Variants in PRKN observed in about 807,000 individuals in gnomAD.
PRKN encodes E3 ubiquitin-protein ligase parkin.
PRKN carries 56 observed loss-of-function variants against 59.5 expected under a neutral mutation model. That is an observed-to-expected ratio of 0.94 (90% CI 0.76 to 1.18). The LOEUF (loss-of-function observed/expected upper bound fraction) is 1.18. PRKN is among the 50% of genes most tolerant of loss of function. The pLI is 0.00. For synonymous variants in PRKN, 250 were observed against 222.1 expected, an observed-to-expected ratio of 1.13 and a Z score of -1.12; for missense variants, 657 against 596.4, an observed-to-expected ratio of 1.10 and a Z score of -1.06.
At chr6:162,324,085 T>C (rs1018542623) in intron 2 of PRKN, among the ~76,000 whole-genome samples, 3 of 151,936 alleles carry the variant, frequency 2.0e-5, no homozygotes, top group African/African-American at 7.3e-5. Flanking sequence ...TACCACAGTG[T>C]TTACCCACTT....
At chr6:161,977,554 T>G (rs1374486105) in intron 5 of PRKN, among the ~76,000 whole-genome samples, 14 of 147,424 alleles carry the variant, frequency 9.5e-5, no homozygotes, top group Non-Finnish European at 1.5e-4. Context: ...TTTTTTTTTT[T>G]TTTTTTTTTT....
At chr6:161,869,846 A>G (rs999676499) in intron 6 of PRKN, among the ~76,000 whole-genome samples, 6 of 152,180 alleles carry the variant, frequency 3.9e-5, no homozygotes, top group African/African-American at 1.4e-4. Context: ...GGGAGAAGTG[A>G]AGGTAGTCCT....
intron 1 of PRKN, among the ~76,000 whole-genome samples, chr6:162,549,977 A>G (rs566817413): frequency 6.6e-6 from 1 of 152,328 alleles, no homozygotes; most frequent in East Asian, 1.9e-4. Flanking sequence ...ACAAAAAGAA[A>G]AAGCCACACA....
At chr6:161,513,101 T>G (rs1011388385) in intron 9 of PRKN, among the ~76,000 whole-genome samples, 2 of 152,252 alleles carry the variant, frequency 1.3e-5, no homozygotes, top group African/African-American at 4.8e-5. Flanking sequence ...AGCAGATGTT[T>G]AGGAGTTTCC....
chr6:162,603,338 C>A (rs750138862), intron 1 of PRKN, among the ~76,000 whole-genome samples: 2 of 152,198 alleles, frequency 1.3e-5, no homozygotes, highest in Admixed American at 1.3e-4. Flanking sequence ...AATACATACT[C>A]GCTTTCTCTT....
intron 6 of PRKN, among the ~76,000 whole-genome samples, chr6:161,953,741 T>C (rs1168262188): frequency 6.6e-6 from 1 of 152,254 alleles, no homozygotes; most frequent in South Asian, 2.1e-4. Flanking sequence ...CACACACATG[T>C]ACATTCCGAA....
chr6:161,799,519 G>A (rs1048768100), intron 6 of PRKN, among the ~76,000 whole-genome samples: 2 of 152,184 alleles, frequency 1.3e-5, no homozygotes, highest in East Asian at 1.9e-4. Context: ...CAATACTTGC[G>A]ACTTCCACAT....
chr6:161,639,358 G>T (rs1399437726), intron 7 of PRKN, among the ~76,000 whole-genome samples: 1 of 152,104 alleles, frequency 6.6e-6, no homozygotes, highest in African/African-American at 2.4e-5. Context: ...ATCTTGAAAA[G>T]CAATTGTTAG....
In PRKN at chr6:161,357,356, T is replaced by A. The variant is rs1380085728; in HGVS notation, c.1285+2732A>T. Among the ~76,000 whole-genome samples the A allele has an allele frequency of 3.3e-5, 5 of 152,182 alleles. No homozygotes were observed. Among genetic ancestry groups the A allele is most frequent in the African/African-American group, 9.7e-5 (4 of 41,450 alleles). ...TGTGAGCCACCACTCCCAGCCTCGC[T>A]GACCACTTCTTATCTTGCAAACTGC... On this transcript the variant is annotated intron_variant, in intron 11 of 11. Transcript: ENST00000366898. This position sits in a 1 kb window ranked among gnomAD's most constrained non-coding sequence, Gnocchi z 5.5.
intron 1 of PRKN, among the ~76,000 whole-genome samples, chr6:162,663,431 C>T (rs1382714322): frequency 6.6e-6 from 1 of 151,944 alleles, no homozygotes; most frequent in African/African-American, 2.4e-5. Flanking sequence ...GGAAATTTCC[C>T]TATGAGTTGG....
intron 2 of PRKN, among the ~76,000 whole-genome samples, chr6:162,362,815 A>G (rs1785212151): frequency 6.6e-6 from 1 of 152,072 alleles, no homozygotes; most frequent in Non-Finnish European, 1.5e-5. Context: ...CTTCACAATA[A>G]AAAACACTAT....
intron 1 of PRKN, among the ~76,000 whole-genome samples, chr6:162,635,741 G>A (rs1336264663): frequency 6.6e-6 from 1 of 152,040 alleles, no homozygotes; most frequent in Non-Finnish European, 1.5e-5. Flanking sequence ...AAAACAATTT[G>A]GTGATGATTA....
chr6:161,911,410 C>T (rs1425320688), intron 6 of PRKN, among the ~76,000 whole-genome samples: 2 of 152,174 alleles, frequency 1.3e-5, no homozygotes, highest in Non-Finnish European at 2.9e-5. Flanking sequence ...CTTAAACCCC[C>T]TTCCCACATT....
intron 5 of PRKN, among the ~76,000 whole-genome samples, chr6:161,983,629 C>A (rs1781325419): frequency 3.3e-5 from 1 of 30,202 alleles, no homozygotes; most frequent in Non-Finnish European, 6.3e-5. Flanking sequence ...AATTGGAAAC[C>A]ATCATTCTCA....
chr6:161,997,194 T>C (rs1297703108), intron 5 of PRKN, among the ~76,000 whole-genome samples: 2 of 152,148 alleles, frequency 1.3e-5, no homozygotes, highest in African/African-American at 2.4e-5. Flanking sequence ...CTTATATACA[T>C]AGATCTGTAT....
chr6:161,434,735 G>T (rs1427487641), intron 9 of PRKN, among the ~76,000 whole-genome samples: 1 of 152,164 alleles, frequency 6.6e-6, no homozygotes, highest in Non-Finnish European at 1.5e-5. Context: ...GGGAAAGAAA[G>T]CTCTTTGAAA....
chr6:162,089,035 C>T (rs768661671), intron 4 of PRKN, among the ~76,000 whole-genome samples: 5 of 152,182 alleles, frequency 3.3e-5, no homozygotes, highest in Non-Finnish European at 4.4e-5. Context: ...AAAACATGAG[C>T]GAACAAAGAC....
rs557470794 is a variant in PRKN, at chr6:162,250,452, TTCCTTTGA to T, written c.412+12065_412+12072del. On this transcript the variant is annotated intron_variant, in intron 3 of 11. Coordinates refer to ENST00000366898, the MANE Select transcript of PRKN (RefSeq NM_004562.3). Reference sequence around the variant, plus strand: ...CACACACACATGCTAGAAAGAACTTTTCCTTTGATCCTTTGATGAGTACACAGAAGTAC... The same window carrying T: ...CACACACACATGCTAGAAAGAACTTTTCCTTTGATGAGTACACAGAAGTAC... Among the ~76,000 whole-genome samples the T allele has an allele frequency of 1.5e-3, 236 of 152,274 alleles. 1 individual carries two copies. The highest frequency in any genetic ancestry group is 5.3e-3 in the African/African-American group (219 of 41,546).
chr6:162,710,932 C>T (rs1026690356), intron 1 of PRKN, among the ~76,000 whole-genome samples: 10 of 152,200 alleles, frequency 6.6e-5, no homozygotes, highest in African/African-American at 2.4e-4. Flanking sequence ...GCATCCAGCC[C>T]TAGCATCACC....
Sources: allele counts gnomAD v4.1 joint callset (sites outside exome capture counted in the v4.1 genomes callset), GRCh38; gene constraint gnomAD v4.1.1; non-coding constraint Gnocchi (gnomAD v3.1); transcripts MANE v1.5; gene names NCBI Gene and HGNC (gene_info 2026-07-23, HGNC 2026-07-21).